ARL15: variants seen among roughly 807,000 people sequenced by gnomAD.
ARL15 encodes the protein ADP-ribosylation factor-like protein 15.
A neutral mutation model predicts 25.2 loss-of-function variants in ARL15; 19 were observed. The ratio of observed to expected loss-of-function variants is 0.75; its 90% confidence interval spans 0.53 to 1.10. ARL15 has a LOEUF of 1.10. Among genes scored for constraint, ARL15 ranks in the 50% least tolerant of loss-of-function variants. The probability of loss-of-function intolerance (pLI) is 0.00; values close to 1 mark genes in which losing one functional copy is unlikely to be tolerated. For synonymous variants in ARL15, 94 were observed against 86.8 expected, an observed-to-expected ratio of 1.08 and a Z score of -0.46; for missense variants, 220 against 246.0, an observed-to-expected ratio of 0.89 and a Z score of 0.71.
chr5:54,160,105 C>G (rs1754358293), intron 2 of ARL15, among the ~76,000 whole-genome samples: 1 of 152,172 alleles, frequency 6.6e-6, no homozygotes, highest in Non-Finnish European at 1.5e-5. Flanking sequence ...GTGGCTTTGA[C>G]CTGCACCAAG....
chr5:54,084,846 G>T (rs1179027975), intron 4 of ARL15, among the ~76,000 whole-genome samples: 2 of 152,184 alleles, frequency 1.3e-5, no homozygotes, highest in Non-Finnish European at 2.9e-5. Context: ...AGGGTGTAAT[G>T]GGAGTTGAAA....
intron 3 of ARL15, among the ~76,000 whole-genome samples, chr5:54,152,063 C>A (rs1392996573): frequency 6.6e-6 from 1 of 152,104 alleles, no homozygotes; most frequent in Non-Finnish European, 1.5e-5. Flanking sequence ...TTGAGGTCCT[C>A]CCCTGAATTC....
intron 4 of ARL15, among the ~76,000 whole-genome samples, chr5:53,956,222 G>C (rs987004888): frequency 6.6e-6 from 1 of 151,828 alleles, no homozygotes; most frequent in Non-Finnish European, 1.5e-5. Context: ...AAAGCTATCA[G>C]AGACCACATA....
intron 1 of ARL15, among the ~76,000 whole-genome samples, chr5:54,193,307 A>C (rs1256809167): frequency 6.6e-6 from 1 of 152,130 alleles, no homozygotes; most frequent in Non-Finnish European, 1.5e-5. Flanking sequence ...CAAGTCTCTT[A>C]CTTGTATTGA....
rs2111868657 is a variant in ARL15, at chr5:53,884,797, T to C, written c.*1764A>G. 1 of 152,578 alleles carries C rather than the reference T, an allele frequency of 6.6e-6. No individual in the cohort carries two copies. Among genetic ancestry groups the C allele is most frequent in the Middle Eastern group, 3.4e-3 (1 of 294 alleles). The allele number at this position is 152,578 out of a possible 1,614,324, so 9.5% of individuals were successfully genotyped here. A position where few individuals can be genotyped will look rare whatever the true frequency, so the allele number is the denominator to read the frequency against. On this transcript the variant is annotated 3_prime_UTR_variant, in exon 5 of 5. Transcript: ENST00000504924. ...AGGGAAAGCAAGGCCTAATAATCAT[T>C]TATTTTTCATAGAAGATGAGCACAA... is the stretch of plus-strand genomic sequence containing the variant.
chr5:54,166,057 T>C (rs1180877500), intron 2 of ARL15, among the ~76,000 whole-genome samples: 1 of 152,180 alleles, frequency 6.6e-6, no homozygotes, highest in East Asian at 1.9e-4. Flanking sequence ...CAGACTAATG[T>C]CTGACTACAT....
intron 4 of ARL15, among the ~76,000 whole-genome samples, chr5:53,930,615 T>G (rs188870817): frequency 6.6e-6 from 1 of 152,086 alleles, no homozygotes; most frequent in African/African-American, 2.4e-5. Context: ...GAACACACTC[T>G]AGGTTGCTCA....
At chr5:54,026,545 C>T (rs887806928) in intron 4 of ARL15, among the ~76,000 whole-genome samples, 2 of 152,208 alleles carry the variant, frequency 1.3e-5, no homozygotes, top group African/African-American at 4.8e-5. Flanking sequence ...ACTGGAATTA[C>T]AGGTGTGAGC....
At chr5:54,191,162 T>C (rs1481620142) in intron 1 of ARL15, among the ~76,000 whole-genome samples, 1 of 152,218 alleles carries the variant, frequency 6.6e-6, no homozygotes, top group Admixed American at 6.5e-5. Context: ...TGTTACAGCA[T>C]GTTTCAACCC....
intron 4 of ARL15, among the ~76,000 whole-genome samples, chr5:54,049,700 A>G (rs1033580285): frequency 2.6e-5 from 4 of 151,638 alleles, no homozygotes; most frequent in African/African-American, 9.7e-5. Flanking sequence ...TCCCAGACTC[A>G]GGCAATCCTC....
chr5:54,080,894 G>A (rs1352533816), intron 4 of ARL15, among the ~76,000 whole-genome samples: 2 of 152,114 alleles, frequency 1.3e-5, no homozygotes, highest in Non-Finnish European at 2.9e-5. Flanking sequence ...CGATCAAGAC[G>A]CCAAATGGTC....
chr5:53,946,455 GAAAAAAAAAAAAAAAA>G (rs55727717), intron 4 of ARL15, among the ~76,000 whole-genome samples: 2 of 43,940 alleles, frequency 4.6e-5, no homozygotes, highest in African/African-American at 1.8e-4. Flanking sequence ...GTCTCAAGAG[GAAAAAAAAAAAAAAAA>G]AAAAAAAAAG....
At chr5:54,224,650 A>G (rs1756469895) in intron 1 of ARL15, among the ~76,000 whole-genome samples, 1 of 152,188 alleles carries the variant, frequency 6.6e-6, no homozygotes, top group Admixed American at 6.5e-5. Context: ...TCATCAGTGT[A>G]AAAATGATAG....
At chr5:54,282,449 G>A in intron 1 of ARL15, 4 of 985,382 alleles carry the variant, frequency 4.1e-6, no homozygotes, top group Non-Finnish European at 4.8e-6. Context: ...TCTGTTTTAT[G>A]AGGAAGTGGC....
At chr5:54,133,264 G>A (rs1044348554) in intron 3 of ARL15, among the ~76,000 whole-genome samples, 1 of 152,152 alleles carries the variant, frequency 6.6e-6, no homozygotes, top group African/African-American at 2.4e-5. Context: ...GATACTGAAG[G>A]TTAAATTATT....
intron 4 of ARL15, among the ~76,000 whole-genome samples, chr5:54,108,550 T>C (rs909166483): frequency 1.3e-5 from 2 of 152,120 alleles, no homozygotes; most frequent in Non-Finnish European, 2.9e-5. Flanking sequence ...GCTAAGCATT[T>C]TACACGATTT....
chr5:54,100,494 C>T (rs1752404398), intron 4 of ARL15, among the ~76,000 whole-genome samples: 1 of 151,922 alleles, frequency 6.6e-6, no homozygotes, highest in South Asian at 2.1e-4. Context: ...ATAATAAACA[C>T]GGTATGACTG....
intron 4 of ARL15, among the ~76,000 whole-genome samples, chr5:53,988,268 C>T (rs1748361823): frequency 6.6e-6 from 1 of 150,824 alleles, no homozygotes; most frequent in Non-Finnish European, 1.5e-5. Flanking sequence ...CCACTGCACT[C>T]CAGCCTGGGC....
At chr5:53,992,033 T>G (rs55857722) in intron 4 of ARL15, among the ~76,000 whole-genome samples, 4,563 of 152,238 alleles carry the variant, frequency 0.03, 111 homozygotes, top group Non-Finnish European at 0.046. Flanking sequence ...TTGGATAGAG[T>G]TGCCTTCATT....
Sources: allele counts gnomAD v4.1 joint callset (sites outside exome capture counted in the v4.1 genomes callset), GRCh38; gene constraint gnomAD v4.1.1; transcripts MANE v1.5; gene names NCBI Gene and HGNC (gene_info 2026-07-23, HGNC 2026-07-21).